ERBB4: variants seen among roughly 807,000 people sequenced by gnomAD.
ERBB4 encodes the protein erb-b2 receptor tyrosine kinase 4, also known as receptor tyrosine-protein kinase erbB-4.
Under a neutral mutation model 158.0 loss-of-function variants are expected in ERBB4, and 42 were observed. The ratio of observed to expected loss-of-function variants is 0.27; its 90% CI spans 0.21 to 0.34. The LOEUF (loss-of-function observed/expected upper bound fraction) is 0.34, where lower values mean the gene tolerates loss of function less well. Among genes scored for constraint, ERBB4 ranks in the 10% least tolerant of loss-of-function variants. The pLI, the probability that ERBB4 is intolerant of heterozygous loss-of-function variation, is 1.00. For missense variants in ERBB4, 1,333 were observed against 1,624.1 expected (o/e 0.82, Z 3.08); for synonymous variants, 583 against 558.7 (o/e 1.04, Z -0.61).
intron 1 of ERBB4, among the ~76,000 whole-genome samples, chr2:212,386,147 A>G (rs1353090083): frequency 6.6e-6 from 1 of 151,720 alleles, no homozygotes; most frequent in East Asian, 1.9e-4. Context: ...AAAAAAAAAA[A>G]TACACTTTTT....
At chr2:212,147,297 G>A (rs1015394214) in intron 1 of ERBB4, among the ~76,000 whole-genome samples, 2 of 149,086 alleles carry the variant, frequency 1.3e-5, no homozygotes, top group African/African-American at 2.5e-5. Context: ...GAGTCATGGT[G>A]CCCTGTCTTT....
At chr2:212,335,721 G>A (rs373944399) in intron 1 of ERBB4, among the ~76,000 whole-genome samples, 2 of 151,964 alleles carry the variant, frequency 1.3e-5, no homozygotes, top group African/African-American at 4.8e-5. Flanking sequence ...AATTTAAAAC[G>A]TAAAGAACGA....
At position 211,691,826 on chromosome 2, in the gene ERBB4, G is replaced by A. The variant is rs113785526; in HGVS notation, c.1489+10141C>T. Among the ~76,000 whole-genome samples, 1,165 of 152,140 alleles carry A rather than the reference G, an allele frequency of 7.7e-3. 4 individuals are homozygous for A. Among genetic ancestry groups the A allele is most frequent in the Non-Finnish European group, 0.01 (694 of 67,984 alleles). ...GTTAGTGCTCTCAGAAAACTGACAT[G>A]GGCAGCATATGGGAAAGTGGTACCC... is the stretch of plus-strand genomic sequence containing the variant. On this transcript the variant is annotated intron_variant, in intron 12 of 27. Coordinates refer to ENST00000342788, the MANE Select transcript of ERBB4 (RefSeq NM_005235.3).
intron 1 of ERBB4, among the ~76,000 whole-genome samples, chr2:212,187,201 C>T (rs771873351): frequency 6.6e-6 from 1 of 151,940 alleles, no homozygotes; most frequent in Non-Finnish European, 1.5e-5. Context: ...TACTATAATA[C>T]ATAAAACATT....
chr2:212,346,389 G>A (rs896264220), intron 1 of ERBB4, among the ~76,000 whole-genome samples: 1 of 150,764 alleles, frequency 6.6e-6, no homozygotes, highest in African/African-American at 2.5e-5. Flanking sequence ...ATAATGTCCG[G>A]ATTTTGTGTT....
intron 20 of ERBB4, among the ~76,000 whole-genome samples, chr2:211,506,462 T>G (rs1421135916): frequency 2.0e-5 from 3 of 152,078 alleles, no homozygotes; most frequent in Non-Finnish European, 4.4e-5. Flanking sequence ...GTATCCTTTT[T>G]TTTCTTTCAT....
chr2:211,803,642 G>A (rs2076549269), intron 3 of ERBB4, among the ~76,000 whole-genome samples: 1 of 152,182 alleles, frequency 6.6e-6, no homozygotes, highest in Non-Finnish European at 1.5e-5. Flanking sequence ...CAGAAATGCA[G>A]AATTTATCGG....
chr2:211,758,807 GGTGGGC>G (rs1171011152), intron 4 of ERBB4, among the ~76,000 whole-genome samples: 1 of 152,118 alleles, frequency 6.6e-6, no homozygotes, highest in East Asian at 1.9e-4. Flanking sequence ...TATATGTAGT[GGTGGGC>G]CTTCCAAGGA....
intron 2 of ERBB4, among the ~76,000 whole-genome samples, chr2:212,040,331 CTAA>C (rs1359312703): frequency 6.6e-6 from 1 of 151,056 alleles, no homozygotes; most frequent in Non-Finnish European, 1.5e-5. Flanking sequence ...TTTTTCTTCT[CTAA>C]TGATTTTTAG....
At chr2:212,170,295 T>G (rs1039274650) in intron 1 of ERBB4, among the ~76,000 whole-genome samples, 1 of 152,214 alleles carries the variant, frequency 6.6e-6, no homozygotes, top group African/African-American at 2.4e-5. Context: ...ATTTTGCCCC[T>G]GCCCTAGAGA....
At chr2:211,567,308 G>A (rs1053264679) in intron 19 of ERBB4, among the ~76,000 whole-genome samples, 1 of 152,068 alleles carries the variant, frequency 6.6e-6, no homozygotes, top group Admixed American at 6.5e-5. Flanking sequence ...TATGTTTTTA[G>A]CAAGACAGCC....
chr2:212,124,626 G>A (rs2079862994), intron 2 of ERBB4, 126 bp downstream of exon 2: 2 of 1,029,148 alleles, frequency 1.9e-6, no homozygotes, highest in East Asian at 2.4e-5. Flanking sequence ...CTTATCTTTT[G>A]CCTATAGTCA....
intron 2 of ERBB4, among the ~76,000 whole-genome samples, chr2:211,953,427 AC>A: frequency 6.7e-6 from 1 of 148,634 alleles, no homozygotes; most frequent in Non-Finnish European, 1.5e-5. Flanking sequence ...TTTCTGAGTT[AC>A]TGGCGATGTC....
At chr2:212,271,287 GCT>G (rs1288400777) in intron 1 of ERBB4, among the ~76,000 whole-genome samples, 5 of 151,622 alleles carry the variant, frequency 3.3e-5, no homozygotes, top group Non-Finnish European at 7.4e-5. Flanking sequence ...TAATAATAAG[GCT>G]CTTTTTTATT....
intron 2 of ERBB4, among the ~76,000 whole-genome samples, chr2:211,990,214 G>A (rs1189320704): frequency 1.3e-5 from 2 of 151,802 alleles, no homozygotes; most frequent in Non-Finnish European, 2.9e-5. Context: ...TTTTGTGTAG[G>A]TGACGAATTA....
chr2:211,685,203 T>G (rs1333592877), intron 12 of ERBB4, among the ~76,000 whole-genome samples: 1 of 152,238 alleles, frequency 6.6e-6, no homozygotes, highest in Non-Finnish European at 1.5e-5. Context: ...TCTTTTCACC[T>G]AACTCTAAAT....
intron 9 of ERBB4, among the ~76,000 whole-genome samples, chr2:211,707,412 C>T (rs958976413): frequency 1.3e-5 from 2 of 152,142 alleles, no homozygotes; most frequent in African/African-American, 2.4e-5. Context: ...CTACGTCTAC[C>T]GTGTCATTGT....
chr2:211,875,025 CA>C (rs746636278), intron 3 of ERBB4, among the ~76,000 whole-genome samples: 516 of 27,010 alleles, frequency 0.019, 3 homozygotes, highest in African/African-American at 0.06. Flanking sequence ...AATAGAAATG[CA>C]AAAAAAAAAA....
At chr2:212,357,248 G>T (rs569025095) in intron 1 of ERBB4, among the ~76,000 whole-genome samples, 2 of 151,724 alleles carry the variant, frequency 1.3e-5, no homozygotes, top group South Asian at 4.2e-4. Context: ...TTTAAATATT[G>T]TATGGTTACC....
Sources: gnomAD v4.1 joint callset for allele counts (sites outside exome capture counted in the v4.1 genomes callset) on GRCh38, gnomAD v4.1.1 for gene constraint, MANE v1.5 for transcripts, NCBI Gene and HGNC (gene_info 2026-07-23, HGNC 2026-07-21) for gene names.